Variants in ULK4 observed in about 807,000 individuals in gnomAD.
ULK4 encodes inactive serine/threonine-protein kinase ULK4.
ULK4 carries 133 observed loss-of-function variants against 160.6 expected under a neutral mutation model. The ratio of observed to expected loss-of-function variants is 0.83; its 90% confidence interval spans 0.72 to 0.96. ULK4 has a LOEUF of 0.96. Ranked by LOEUF, ULK4 falls within the 40% of genes least tolerant of loss-of-function variation. The probability of loss-of-function intolerance (pLI) is 0.00; values close to 1 mark genes in which losing one functional copy is unlikely to be tolerated. For missense variants in ULK4, 1,580 were observed against 1,499.5 expected, an observed-to-expected ratio of 1.05 and a Z score of -0.89; for synonymous variants, 534 against 539.8, an observed-to-expected ratio of 0.99 and a Z score of 0.15.
At chr3:41,885,197 A>T (rs1253715786) in intron 16 of ULK4, among the ~76,000 whole-genome samples, 4 of 152,112 alleles carry the variant, frequency 2.6e-5, no homozygotes, top group Admixed American at 2.6e-4. Flanking sequence ...GAAACACTTA[A>T]CCATTTTTCA....
chr3:41,811,574 T>G (rs1028028213), intron 19 of ULK4, among the ~76,000 whole-genome samples: 5 of 152,228 alleles, frequency 3.3e-5, no homozygotes, highest in African/African-American at 1.2e-4. Flanking sequence ...TACGTAGATC[T>G]CTGCTTAGAA....
At chr3:41,300,372 T>C (rs1371512792) in intron 35 of ULK4, among the ~76,000 whole-genome samples, 1 of 152,210 alleles carries the variant, frequency 6.6e-6, no homozygotes, top group African/African-American at 2.4e-5. Context: ...AAAACAAGTT[T>C]TAGAGGAAGA....
At chr3:41,430,121 G>C (rs1295629201) in intron 34 of ULK4, among the ~76,000 whole-genome samples, 2 of 151,934 alleles carry the variant, frequency 1.3e-5, no homozygotes, top group African/African-American at 2.4e-5. Flanking sequence ...TTCTTTAAAA[G>C]GGTTATTTCC....
At chr3:41,850,330 A>C (rs2042178987) in intron 17 of ULK4, among the ~76,000 whole-genome samples, 1 of 152,188 alleles carries the variant, frequency 6.6e-6, no homozygotes, top group Non-Finnish European at 1.5e-5. Flanking sequence ...TATACCCAGT[A>C]ATGGGATGGC....
chr3:41,868,918 T>C (rs1227928000), intron 17 of ULK4: 4 of 152,196 alleles, frequency 2.6e-5, no homozygotes, highest in Non-Finnish European at 5.9e-5. Context: ...TCATTTGCTT[T>C]CTATTTGCCC....
chr3:41,434,768 A>C lies in ULK4; in HGVS notation c.3492+20729T>G, dbSNP rs1026049263. On this transcript the variant is annotated intron_variant, in intron 34 of 36. Coordinates refer to ENST00000301831, the MANE Select transcript of ULK4 (RefSeq NM_017886.4). Reference sequence around the variant, plus strand: ...TGTATGTGAAAAGTCCCAGCATATAAATATATTTTTTATTATTGTTTTACA... The same window carrying C: ...TGTATGTGAAAAGTCCCAGCATATACATATATTTTTTATTATTGTTTTACA... Among the ~76,000 whole-genome samples the C allele has an allele frequency of 8.5e-5, 13 of 152,272 alleles. No homozygotes were observed. In the South Asian group the frequency reaches 1.2e-3, roughly 15 times the overall value.
intron 32 of ULK4, among the ~76,000 whole-genome samples, chr3:41,525,888 T>C (rs2086098641): frequency 1.3e-5 from 2 of 152,254 alleles, no homozygotes; most frequent in South Asian, 4.1e-4. Context: ...ACAGTTTAAA[T>C]CACTGTTTCA....
At chr3:41,795,817 T>A (rs564821596) in intron 20 of ULK4, among the ~76,000 whole-genome samples, 1 of 152,138 alleles carries the variant, frequency 6.6e-6, no homozygotes, top group Non-Finnish European at 1.5e-5. Context: ...AGCAAGCTAC[T>A]CCAGTGGTCC....
chr3:41,590,461 C>CAAAAAAAAAAAAAAAAAAA (rs71075479), intron 31 of ULK4, among the ~76,000 whole-genome samples: 2 of 56,910 alleles, frequency 3.5e-5, no homozygotes, highest in Admixed American at 2.4e-4. Flanking sequence ...ACTAAAAATA[C>CAAAAAAAAAAAAAAAAAAA]AAAAAAAAAA....
intron 21 of ULK4, among the ~76,000 whole-genome samples, chr3:41,770,831 T>G (rs1288782614): frequency 6.6e-6 from 1 of 152,160 alleles, no homozygotes; most frequent in African/African-American, 2.4e-5. Flanking sequence ...ACTTTCTGAA[T>G]CATAAGTAAA....
chr3:41,769,745 G>A lies in ULK4; in HGVS notation c.2194-15257C>T, dbSNP rs79122785. Among the ~76,000 whole-genome samples the A allele has an allele frequency of 2.7e-3, 407 of 152,190 alleles. 2 individuals are homozygous for A. The highest frequency in any genetic ancestry group is 9.0e-3 in the African/African-American group (374 of 41,516). On this transcript the variant is annotated intron_variant, in intron 21 of 36. Coordinates refer to ENST00000301831, the MANE Select transcript of ULK4 (RefSeq NM_017886.4). ...AAAAATATTTCACTATCAAAATTAA[G>A]CATAATGGTAAAATATTCCTCTAGT...
rs56916702 is a variant in ULK4, at chr3:41,788,066, T to C, written c.2193+1595A>G. The stretch of plus-strand genomic sequence containing the variant: ...AATAAGAACATTTAATGAGTGAAAA[T>C]TTAATAGCAAAAACTAGACACATAG... On this transcript the variant is annotated intron_variant, in intron 21 of 36. Transcript: ENST00000301831. Among the ~76,000 whole-genome samples, 1,035 of 152,178 alleles carry C rather than the reference T, an allele frequency of 6.8e-3. 13 individuals are homozygous for C. Among genetic ancestry groups the C allele is most frequent in the African/African-American group, 0.023 (960 of 41,504 alleles).
intron 32 of ULK4, among the ~76,000 whole-genome samples, chr3:41,474,131 T>C (rs2084071763): frequency 6.6e-6 from 1 of 152,072 alleles, no homozygotes; most frequent in African/African-American, 2.4e-5. Flanking sequence ...AATAGTAACT[T>C]AAAAAGCATG....
At chr3:41,375,047 A>T (rs925679310) in intron 35 of ULK4, among the ~76,000 whole-genome samples, 3 of 152,172 alleles carry the variant, frequency 2.0e-5, no homozygotes, top group African/African-American at 7.2e-5. Context: ...CTACAAAGAG[A>T]ATAAAATACC....
At chr3:41,859,448 G>C in intron 17 of ULK4, 1 of 556,248 alleles carries the variant, frequency 1.8e-6, no homozygotes, top group Non-Finnish European at 3.6e-6. Context: ...AGCCAAAAGA[G>C]ATAGCAGAAA....
intron 17 of ULK4, among the ~76,000 whole-genome samples, chr3:41,850,532 T>C (rs2042183624): frequency 6.6e-6 from 1 of 152,056 alleles, no homozygotes; most frequent in African/African-American, 2.4e-5. Context: ...TATCTCATTG[T>C]GGTTTTCATT....
intron 32 of ULK4, among the ~76,000 whole-genome samples, chr3:41,491,590 A>G (rs1213261590): frequency 1.3e-5 from 2 of 152,162 alleles, no homozygotes; most frequent in Admixed American, 1.3e-4. Flanking sequence ...GAGTAGCCAC[A>G]AAATAAATCC....
chr3:41,307,029 T>G lies in ULK4; in HGVS notation c.3679-57455A>C, dbSNP rs368577981. Among the ~76,000 whole-genome samples, 103 of 151,138 alleles carry G rather than the reference T, an allele frequency of 6.8e-4. No homozygotes were observed. The East Asian group carries it at 0.018, about 26-fold the overall frequency. ...CACTGCGGAAGGCCGCAGGGTCCTC[T>G]GCCTAGGAAAACCAGAGACCTTTGT... On this transcript the variant is annotated intron_variant, in intron 35 of 36. Coordinates refer to ENST00000301831, the MANE Select transcript of ULK4 (RefSeq NM_017886.4).
At position 41,705,122 on chromosome 3, in the gene ULK4, T is replaced by C; in HGVS notation, c.2716A>G (p.Ile906Val). The C allele has an allele frequency of 1.2e-6, 2 of 1,613,974 alleles. No individual in the cohort carries two copies. Among genetic ancestry groups the C allele is most frequent in the Non-Finnish European group, 1.7e-6 (2 of 1,179,938 alleles). The part of the protein sequence containing the change: ...GLTASEEFIK[I>V]TLSAFEAIIQ... ...ATTGCTTCAAAAGCTGACAATGTGA[T>C]CTTGATAAATTCTTCTGATGCTGTC... The change falls in exon 27 of 37, where the codon ATC (isoleucine) becomes GTC (valine). Residue 906 changes from isoleucine to valine, a missense_variant. Ile to Val is a conservative substitution (Grantham distance 29, BLOSUM62 3). Transcript: ENST00000301831.
Sources: gnomAD v4.1 joint callset for allele counts (sites outside exome capture counted in the v4.1 genomes callset) on GRCh38, gnomAD v4.1.1 for gene constraint, MANE v1.5 for transcripts, NCBI Gene and HGNC (gene_info 2026-07-23, HGNC 2026-07-21) for gene names.